Variants in KRT6B observed in about 807,000 individuals in gnomAD.
The protein encoded by KRT6B is keratin, type II cytoskeletal 6B.
Under a neutral mutation model 44.7 loss-of-function variants are expected in KRT6B, and 29 were observed. The ratio of observed to expected loss-of-function variants is 0.65; its 90% CI spans 0.48 to 0.88. The LOEUF (loss-of-function observed/expected upper bound fraction) is 0.88, where lower values mean the gene tolerates loss of function less well. Among genes scored for constraint, KRT6B ranks in the 40% least tolerant of loss-of-function variants. KRT6B has a pLI of 0.00. For synonymous variants in KRT6B, 213 were observed against 296.0 expected, an observed-to-expected ratio of 0.72 and a Z score of 2.88; for missense variants, 600 against 724.0, an observed-to-expected ratio of 0.83 and a Z score of 1.97.
In KRT6B at chr12:52,450,398, G is replaced by A. The variant is rs1421049148; in HGVS notation, c.755+8C>T. The A allele has an allele frequency of 2.5e-6, 4 of 1,608,832 alleles. 1 individual carries two copies. Among genetic ancestry groups the A allele is most frequent in the Non-Finnish European group, 3.4e-6 (4 of 1,179,666 alleles). The stretch of plus-strand genomic sequence containing the variant: ...TGAAGTGTGTGCTGCAGGAAATGGA[G>A]TCCTCACTTGTTCTTGAGGTCCTCC... On this transcript the variant is annotated splice_region_variant and intron_variant, in intron 2 of 8. Transcript: ENST00000252252.
rs71453292 is a variant in KRT6B at position 52,450,474 on chromosome 12, C to A, written c.687G>T (p.Val229=). The A allele has an allele frequency of 5.0e-6, 8 of 1,614,172 alleles. No homozygotes were observed. The highest frequency in any genetic ancestry group is 6.8e-6 in the Non-Finnish European group (8 of 1,180,042). ...CCGAGTCCAGACGACCCCGTTCCCC[C>A]ACGATGTTGTCCAGCTGCCTCCTGA... ...NNLRRQLDNI[V]GERGRLDSEL... is the part of the protein sequence containing the mutation. Residue 229 remains valine (V), a synonymous_variant, in exon 2 of 9, where the codon GTG becomes GTT. Transcript: ENST00000252252.
chr12:52,449,680 A>G (rs1207393983), intron 4 of KRT6B, 47 bp from the exon 5 acceptor site: 2 of 1,614,090 alleles, frequency 1.2e-6, no homozygotes, highest in Non-Finnish European at 1.7e-6. Flanking sequence ...TGACATTTAC[A>G]GAGATGCCCA....
At chr12:52,448,122 C>T (rs1592169435) in intron 6 of KRT6B, 124 bp from the exon 7 acceptor site, 3 of 1,235,522 alleles carry the variant, frequency 2.4e-6, no homozygotes, top group South Asian at 1.3e-5. Context: ...TGAGCTCTGA[C>T]TCTTCCTGTC....
At chr12:52,449,431 C>T in intron 5 of KRT6B, 38 bp downstream of exon 5, 4 of 1,614,156 alleles carry the variant, frequency 2.5e-6, no homozygotes, top group East Asian at 4.5e-5. Context: ...CAGGGATGGA[C>T]ACAAGGATTC....
rs753361235 is a variant in KRT6B, at chr12:52,449,826, C to G, written c.844G>C (p.Val282Leu). The G allele has an allele frequency of 6.2e-7, 1 of 1,613,974 alleles. No homozygotes were observed. The highest frequency in any genetic ancestry group is 1.1e-5 in the South Asian group (1 of 91,066). Residue 282 changes from valine (V) to leucine (L), a missense_variant, in exon 4 of 9, where the codon GTT becomes CTT. By Grantham distance (32) the Val-to-Leu change is conservative. Coordinates refer to ENST00000252252, the MANE Select transcript of KRT6B (RefSeq NM_005555.4). ...GTGTCTGCCTTGGCTTGCAGTTCAA[C>G]CTTGTTCATGTAGGCAGCATCCACA... ...KDVDAAYMNK[V>L]ELQAKADTLT...
At chr12:52,449,214 G>A (rs1940358803) in intron 5 of KRT6B, among the ~76,000 whole-genome samples, 1 of 152,164 alleles carries the variant, frequency 6.6e-6, no homozygotes, top group Non-Finnish European at 1.5e-5. Flanking sequence ...ATTTCTAAAA[G>A]TCAGCAACCA....
chr12:52,446,982 G>A lies in KRT6B; in HGVS notation c.*208C>T, dbSNP rs1225861183. On this transcript the variant is annotated 3_prime_UTR_variant, in exon 9 of 9. Transcript: ENST00000252252. ...CGGGAACTAAAAAGGACATTCGCAT[G>A]TCTGAGTGCTGATAACTGTTGACTT... is the stretch of plus-strand genomic sequence containing the variant. The A allele has an allele frequency of 4.2e-5, 26 of 625,514 alleles. No homozygotes were observed. In the Admixed American group the frequency reaches 5.6e-4, roughly 13 times the overall value. The allele number at this position is 625,514 out of a possible 1,614,324, so 38.7% of individuals were successfully genotyped here. A position where few individuals can be genotyped will look rare whatever the true frequency, so the allele number is the denominator to read the frequency against.
chr12:52,451,440 C>A, intron 1 of KRT6B, 99 bp downstream of exon 1: 1 of 1,610,094 alleles, frequency 6.2e-7, no homozygotes. Context: ...GGGCTGAGTC[C>A]CCTTCTCCCT....
Position 52,449,419 on chromosome 12 carries a change from T to A in KRT6B, c.1077+50A>T, listed in dbSNP as rs572729031. 6 of 1,613,868 alleles carry A rather than the reference T, an allele frequency of 3.7e-6. No individual in the cohort carries two copies. In the South Asian group the frequency reaches 6.6e-5, roughly 18 times the overall value. ...CAGTGAAGTCTGCAGTCCTCTGGTA[T>A]TCAGGGATGGACACAAGGATTCCTC... On this transcript the variant is annotated intron_variant, in intron 5 of 8. Coordinates refer to ENST00000252252, the MANE Select transcript of KRT6B (RefSeq NM_005555.4).
intron 1 of KRT6B, among the ~76,000 whole-genome samples, chr12:52,451,098 G>A (rs1940396307): frequency 6.6e-6 from 1 of 151,560 alleles, no homozygotes; most frequent in South Asian, 2.1e-4. Context: ...ATTTATCCAT[G>A]TTTTACAGTT....
rs1041316220 is a variant in KRT6B at position 52,446,681 on chromosome 12, A to G, written c.*509T>C. ...ATTCTCAATATGCTTTATTCAACAG[A>G]ACAAAAGAAGGCAAAGAGAGCAGAG... On this transcript the variant is annotated 3_prime_UTR_variant, in exon 9 of 9. Transcript: ENST00000252252. The G allele has an allele frequency of 1.7e-5, 3 of 174,800 alleles. No individual in the cohort carries two copies. In the South Asian group the frequency reaches 4.1e-4, roughly 24 times the overall value. The allele number at this position is 174,800 out of a possible 1,614,324, so 10.8% of individuals were successfully genotyped here. A position where few individuals can be genotyped will look rare whatever the true frequency, so the allele number is the denominator to read the frequency against.
chr12:52,452,099 C>G lies in KRT6B; in HGVS notation c.-21G>C. 1.9e-6 allele frequency: 3 copies of G among 1,614,030 alleles called. No individual in the cohort carries two copies. Among genetic ancestry groups the G allele is most frequent in the South Asian group, 1.1e-5 (1 of 91,060 alleles). ...GCCATGGTTCCAGGAGATGAGAGGG[C>G]TTAGGAGAGTGTGAGAGGCTGGAGG... On this transcript the variant is annotated 5_prime_UTR_variant, in exon 1 of 9. Coordinates refer to ENST00000252252, the MANE Select transcript of KRT6B (RefSeq NM_005555.4).
chr12:52,450,645 T>A (rs1291575011), intron 1 of KRT6B, 25 bp from the exon 2 acceptor site: 2 of 1,614,034 alleles, frequency 1.2e-6, no homozygotes, highest in Non-Finnish European at 8.5e-7. Flanking sequence ...AAATGGTCAT[T>A]TTCCAGGAAA....
Position 52,446,653 on chromosome 12 carries a change from C to T in KRT6B, c.*537G>A, listed in dbSNP as rs1327605445. On this transcript the variant is annotated 3_prime_UTR_variant, in exon 9 of 9. Coordinates refer to ENST00000252252, the MANE Select transcript of KRT6B (RefSeq NM_005555.4). ...GCAATACAATCTAACACAACATGTT[C>T]ACATTCTCAATATGCTTTATTCAAC... The T allele has an allele frequency of 6.1e-6, 1 of 164,054 alleles. No homozygotes were observed. The highest frequency in any genetic ancestry group is 1.3e-5 in the Non-Finnish European group (1 of 74,094). 10.2% of individuals were successfully genotyped at this position (164,054 alleles called of 1,614,324 possible).
chr12:52,447,401 C>A lies in KRT6B; in HGVS notation c.1484G>T (p.Ser495Ile). ...NISVVQSTVSSGYGGASGVGS... is the reference protein window; with the variant it reads ...NISVVQSTVSIGYGGASGVGS... ...GACACCGCTGGCACCGCCATAGCCA[C>A]TGGAGACGGTGGACTGCACTACAGC... The change falls in exon 9 of 9, where the codon AGT becomes ATT. Residue 495 changes from serine (S) to isoleucine (I), a missense_variant. By Grantham distance (142) the Ser-to-Ile change is moderately radical (BLOSUM62 -2). This residue lies in a region of KRT6B where 479 missense variants were observed against 454.2 expected (regional missense o/e 1.05). Transcript: ENST00000252252. The A allele has an allele frequency of 6.2e-7, 1 of 1,614,090 alleles. No homozygotes were observed. The highest frequency in any genetic ancestry group is 8.5e-7 in the Non-Finnish European group (1 of 1,179,962).
chr12:52,449,788 C>T lies in KRT6B; in HGVS notation c.882G>A (p.Glu294=). 6.2e-7 allele frequency: 1 copy of T among 1,614,026 alleles called. No homozygotes were observed. The highest frequency in any genetic ancestry group is 8.5e-7 in the Non-Finnish European group (1 of 1,179,910). Residue 294 remains glutamate, a synonymous_variant, in exon 4 of 9, where the codon GAG becomes GAA. Coordinates refer to ENST00000252252, the MANE Select transcript of KRT6B (RefSeq NM_005555.4). The part of the protein sequence containing the change: ...LQAKADTLTD[E]INFLRALYDA... ...CATACAAGGCTCTCAGGAAGTTGAT[C>T]TCATCTGTAAGAGTGTCTGCCTTGG...
Position 52,447,139 on chromosome 12 carries a change from C to A in KRT6B, c.*51G>T. The A allele has an allele frequency of 1.9e-6, 3 of 1,608,438 alleles. No individual in the cohort carries two copies. In the South Asian group the frequency reaches 3.3e-5, roughly 18 times the overall value. ...CAAGCAACCTGAGGAGAGGGCTCTG[C>A]TGCCAGAGAGGGGCCTGAGAGCTGT... is the stretch of plus-strand genomic sequence containing the variant. On this transcript the variant is annotated 3_prime_UTR_variant, in exon 9 of 9. Transcript: ENST00000252252.
rs772167585 is a variant in KRT6B at position 52,452,099 on chromosome 12, C to A, written c.-21G>T. 2.0e-4 allele frequency: 316 copies of A among 1,614,030 alleles called. 1 individual carries two copies. Among genetic ancestry groups the A allele is most frequent in the Middle Eastern group, 1.7e-4 (1 of 6,054 alleles). ...GCCATGGTTCCAGGAGATGAGAGGG[C>A]TTAGGAGAGTGTGAGAGGCTGGAGG... On this transcript the variant is annotated 5_prime_UTR_variant, in exon 1 of 9. Coordinates refer to ENST00000252252, the MANE Select transcript of KRT6B (RefSeq NM_005555.4).
chr12:52,448,392 C>T (rs1486855533), intron 6 of KRT6B, among the ~76,000 whole-genome samples: 1 of 152,182 alleles, frequency 6.6e-6, no homozygotes, highest in Non-Finnish European at 1.5e-5. Context: ...CTGTTGTGAC[C>T]TTGCCTTCCT....
Sources: allele counts gnomAD v4.1 joint callset (sites outside exome capture counted in the v4.1 genomes callset), GRCh38; gene constraint gnomAD v4.1.1; regional missense constraint gnomAD v4.1.1; transcripts MANE v1.5; gene names NCBI Gene and HGNC (gene_info 2026-07-23, HGNC 2026-07-21).